The following C1orf141 variants were observed in gnomAD, a reference collection of about 807,000 sequenced individuals.
C1orf141 encodes uncharacterized protein C1orf141.
A neutral mutation model predicts 23.2 loss-of-function variants in C1orf141; 19 were observed. The ratio of observed to expected loss-of-function variants is 0.82; its 90% CI spans 0.57 to 1.20. The LOEUF (loss-of-function observed/expected upper bound fraction) is 1.20, where lower values mean the gene tolerates loss of function less well. C1orf141 is among the 50% of genes most tolerant of loss of function. C1orf141 has a pLI of 0.00. For missense variants in C1orf141, 469 were observed against 455.1 expected (o/e 1.03, Z -0.28); for synonymous variants, 153 against 154.6 (o/e 0.99, Z 0.08).
At chr1:67,121,765 G>C (rs879341002) in intron 4 of C1orf141, 7 of 152,182 alleles carry the variant, frequency 4.6e-5, no homozygotes, top group African/African-American at 1.7e-4. Flanking sequence ...GCACACCACT[G>C]TACCCATATA....
In C1orf141 at chr1:67,125,928, G is replaced by GAAAA. The variant is rs11336462; in HGVS notation, c.76-23_76-20dup. 121 of 1,183,486 alleles carry GAAAA rather than the reference G, an allele frequency of 1.0e-4. No homozygotes were observed. The highest frequency in any genetic ancestry group is 3.9e-4 in the Admixed American group (10 of 25,354). 73.3% of individuals were successfully genotyped at this position (1,183,486 alleles called of 1,614,324 possible). A position where few individuals can be genotyped will look rare whatever the true frequency, so the allele number is the denominator to read the frequency against. ...TGTTTATCTGCAGCAATGCCAAAGT[G>GAAAA]AAAAAAAAAAAAAAAAAAAGAGTAC... On this transcript the variant is annotated intron_variant, in intron 3 of 7. Transcript: ENST00000684719.
At chr1:67,118,691 G>T (rs1213598826) in intron 4 of C1orf141, among the ~76,000 whole-genome samples, 1 of 152,156 alleles carries the variant, frequency 6.6e-6, no homozygotes, top group Non-Finnish European at 1.5e-5. Flanking sequence ...AGATAATTAG[G>T]TTATGAGGGT....
In C1orf141 at chr1:67,095,223, T is replaced by C. The variant is rs758801540; in HGVS notation, c.603+12A>G. 3.3e-5 allele frequency: 48 copies of C among 1,446,338 alleles called. No homozygotes were observed. The highest frequency in any genetic ancestry group is 4.3e-5 in the Non-Finnish European group (45 of 1,050,650). 89.6% of individuals were successfully genotyped at this position (1,446,338 alleles called of 1,614,324 possible). A position where few individuals can be genotyped will look rare whatever the true frequency, so the allele number is the denominator to read the frequency against. On this transcript the variant is annotated intron_variant, in intron 7 of 7. Coordinates refer to ENST00000684719, the MANE Select transcript of C1orf141 (RefSeq NM_001276351.2). ...CACATATTTACTTAACAATAGATGA[T>C]ATGCTTATTACCATGTGAGAAGTTA...
chr1:67,135,011 G>A (rs1329230360), upstream of C1orf141: 1 of 139,844 alleles, frequency 7.2e-6, no homozygotes, highest in Non-Finnish European at 1.5e-5. Context: ...ACGCGTCCTC[G>A]GTCCGTAGAA....
intron 5 of C1orf141, among the ~76,000 whole-genome samples, chr1:67,101,119 T>C (rs1645787996): frequency 6.6e-6 from 1 of 152,170 alleles, no homozygotes; most frequent in Non-Finnish European, 1.5e-5. Flanking sequence ...ATCATGTTTT[T>C]TCTTTGCACA....
At chr1:67,121,511 T>C (rs777204468) in intron 4 of C1orf141, 2 of 152,220 alleles carry the variant, frequency 1.3e-5, no homozygotes, top group African/African-American at 2.4e-5. Context: ...TGTAGTAGCA[T>C]ACTGTTATAC....
At chr1:67,136,750 A>G (rs1038639446), upstream of C1orf141, among the ~76,000 whole-genome samples, 1 of 152,216 alleles carries the variant, frequency 6.6e-6, no homozygotes, top group African/African-American at 2.4e-5. Flanking sequence ...AAAAGACCTG[A>G]CTGAAATTCA....
At chr1:67,100,407 G>A (rs985384768) in intron 5 of C1orf141, among the ~76,000 whole-genome samples, 2 of 152,086 alleles carry the variant, frequency 1.3e-5, no homozygotes, top group Non-Finnish European at 2.9e-5. Context: ...AAGTTACCTA[G>A]TAGCATTACT....
chr1:67,102,958 A>G (rs905889341), intron 5 of C1orf141, among the ~76,000 whole-genome samples: 1 of 152,166 alleles, frequency 6.6e-6, no homozygotes, highest in Non-Finnish European at 1.5e-5. Flanking sequence ...ACAATCAGGA[A>G]TCCATCAGGT....
chr1:67,096,265 C>T lies in C1orf141; in HGVS notation c.403G>A (p.Asp135Asn). The T allele has an allele frequency of 2.0e-6, 3 of 1,484,264 alleles. No individual in the cohort carries two copies. The highest frequency in any genetic ancestry group is 2.8e-6 in the Non-Finnish European group (3 of 1,087,428). 91.9% of individuals were successfully genotyped at this position (1,484,264 alleles called of 1,614,324 possible). ...PLDSVGLLEG[D>N]RNKRKKSPQM... ...AAAATAAATTACCTTTTATTTCTAT[C>T]ACCTTCTAAGAGACCAACAGAATCC... The change falls in exon 6 of 8, where the codon GAT becomes AAT. Residue 135 changes from aspartate (D) to asparagine (N), a missense_variant. By Grantham distance (23) the Asp-to-Asn change is conservative (BLOSUM62 1). This residue lies in a region of C1orf141 where 370 missense variants were observed against 348.1 expected (regional missense o/e 1.06). Coordinates refer to ENST00000684719, the MANE Select transcript of C1orf141 (RefSeq NM_001276351.2).
chr1:67,137,165 C>T (rs1006549583), upstream of C1orf141, among the ~76,000 whole-genome samples: 16 of 152,210 alleles, frequency 1.1e-4, no homozygotes, highest in Admixed American at 4.6e-4. Flanking sequence ...TTCAGGGGGC[C>T]GTCAAAACCC....
At chr1:67,111,325 A>G (rs1646067249) in intron 5 of C1orf141, among the ~76,000 whole-genome samples, 1 of 152,152 alleles carries the variant, frequency 6.6e-6, no homozygotes, top group East Asian at 1.9e-4. Flanking sequence ...AACTGACTTT[A>G]TAAGTGCTAG....
intron 4 of C1orf141, among the ~76,000 whole-genome samples, 175 bp from the exon 5 acceptor site, chr1:67,115,639 T>C (rs1646178871): frequency 6.6e-6 from 1 of 152,190 alleles, no homozygotes; most frequent in African/African-American, 2.4e-5. Flanking sequence ...GCTGAAAATA[T>C]TAGTTTTAGT....
chr1:67,100,110 C>T (rs1248902779), intron 5 of C1orf141, among the ~76,000 whole-genome samples: 1 of 152,114 alleles, frequency 6.6e-6, no homozygotes, highest in Non-Finnish European at 1.5e-5. Flanking sequence ...TATATGCACT[C>T]ATGTAAGTAA....
Position 67,134,960 on chromosome 1 carries a change from G to C in C1orf141, c.-134C>G, listed in dbSNP as rs781668249. 6.6e-6 allele frequency: 1 copy of C among 152,218 alleles called. No individual in the cohort carries two copies. Among genetic ancestry groups the C allele is most frequent in the Non-Finnish European group, 1.5e-5 (1 of 68,068 alleles). 9.4% of individuals were successfully genotyped at this position (152,218 alleles called of 1,614,324 possible). A position where few individuals can be genotyped will look rare whatever the true frequency, so the allele number is the denominator to read the frequency against. ...CTCCTTTCCTCCCTCTTCTGGCTCCGCGGGTTACTCGCCCCGCCCCCACCC... is the reference window on the plus strand; with the variant it reads ...CTCCTTTCCTCCCTCTTCTGGCTCCCCGGGTTACTCGCCCCGCCCCCACCC... On this transcript the variant is annotated 5_prime_UTR_variant, in exon 1 of 8. Transcript: ENST00000684719.
intron 5 of C1orf141, among the ~76,000 whole-genome samples, chr1:67,114,032 T>C (rs769116066): frequency 5.3e-5 from 8 of 152,134 alleles, no homozygotes; most frequent in African/African-American, 9.7e-5. Flanking sequence ...TTTTGGAAGC[T>C]TCATGGCTTG....
intron 5 of C1orf141, among the ~76,000 whole-genome samples, chr1:67,102,468 C>T (rs1000895194): frequency 1.3e-5 from 2 of 151,814 alleles, no homozygotes; most frequent in African/African-American, 4.8e-5. Context: ...AAGAAACATA[C>T]GGGGGAGTTG....
chr1:67,110,084 G>A (rs1489549372), intron 5 of C1orf141, among the ~76,000 whole-genome samples: 1 of 151,984 alleles, frequency 6.6e-6, no homozygotes, highest in East Asian at 1.9e-4. Context: ...ATAGTATTTT[G>A]AGTTTTAGAA....
Position 67,115,815 on chromosome 1 carries a change from ATAGAGT to A in C1orf141, c.234-357_234-352del, listed in dbSNP as rs138119118. On this transcript the variant is annotated intron_variant, in intron 4 of 7. Transcript: ENST00000684719. ...TGGACCTGAATCAAAGTGGTGGGAC[ATAGAGT>A]TAGGGAATTCAGGTACTAGAAAGGA... Among the ~76,000 whole-genome samples the A allele has an allele frequency of 3.9e-5, 6 of 152,370 alleles. No individual in the cohort carries two copies. In the East Asian group the frequency reaches 1.2e-3, roughly 29 times the overall value.
Sources: allele counts gnomAD v4.1 joint callset (sites outside exome capture counted in the v4.1 genomes callset), GRCh38; gene constraint gnomAD v4.1.1; regional missense constraint gnomAD v4.1.1; transcripts MANE v1.5; gene names NCBI Gene and HGNC (gene_info 2026-07-23, HGNC 2026-07-21).